Variants in VPS9D1 observed in about 807,000 individuals in gnomAD.
The protein encoded by VPS9D1 is VPS9 domain containing 1.
A neutral mutation model predicts 75.8 loss-of-function variants in VPS9D1; 78 were observed. That is an observed-to-expected ratio of 1.03 (90% CI 0.86 to 1.24). VPS9D1 has a LOEUF of 1.24. Among genes scored for constraint, VPS9D1 ranks in the 50% most tolerant of loss-of-function variants. The pLI is 0.00. For missense variants in VPS9D1, 1,057 were observed against 847.7 expected (o/e 1.25, Z -3.07); for synonymous variants, 481 against 385.6 (o/e 1.25, Z -2.90).
chr16:89,716,342 G>A, intron 4 of VPS9D1, 120 bp downstream of exon 4: 1 of 1,437,472 alleles, frequency 7.0e-7, no homozygotes, highest in Non-Finnish European at 9.5e-7. Flanking sequence ...CTCCAGCCTG[G>A]GTGACAGAGT....
chr16:89,708,760 G>A (rs2060846813), intron 13 of VPS9D1, 97 bp downstream of exon 13: 1 of 1,314,146 alleles, frequency 7.6e-7, no homozygotes, highest in Non-Finnish European at 1.0e-6. Context: ...GCAGCCAGCT[G>A]GCACAAGGCT....
chr16:89,716,600 A>G lies in VPS9D1; in HGVS notation c.293T>C (p.Met98Thr), dbSNP rs1249564721. 6.2e-7 allele frequency: 1 copy of G among 1,613,708 alleles called. No homozygotes were observed. The highest frequency in any genetic ancestry group is 1.1e-5 in the South Asian group (1 of 91,072). Residue 98 changes from methionine (M) to threonine (T), a missense_variant, in exon 4 of 15, where the codon ATG becomes ACG. Transcript: ENST00000389386. Reference protein sequence around the residue: ...KLGKTRLKPTMPAAAPIPQPA... With the variant: ...KLGKTRLKPTTPAAAPIPQPA... ...CTGGGGAATGGGAGCAGCTGCAGGCATGGTTGGCTTCAGGCGTGTTTTCCC... is the reference window on the plus strand; with the variant it reads ...CTGGGGAATGGGAGCAGCTGCAGGCGTGGTTGGCTTCAGGCGTGTTTTCCC...
chr16:89,716,895 A>G, intron 2 of VPS9D1, 73 bp from the exon 3 acceptor site: 1 of 1,407,578 alleles, frequency 7.1e-7, no homozygotes, highest in Non-Finnish European at 9.5e-7. Flanking sequence ...AAAATGAGGC[A>G]ACGGAAAAGG....
chr16:89,708,841 C>A lies in VPS9D1; in HGVS notation c.1697+16G>T. On this transcript the variant is annotated intron_variant, in intron 13 of 14. Transcript: ENST00000389386. ...GCCCTTCCTCCCTGGCCACACCTCG[C>A]CCTCCTGGGACTCACATGGCAGCTG... 6.4e-7 allele frequency: 1 copy of A among 1,570,580 alleles called. No individual in the cohort carries two copies. The highest frequency in any genetic ancestry group is 8.6e-7 in the Non-Finnish European group (1 of 1,166,218).
At chr16:89,708,566 C>T (rs1353476446) in intron 13 of VPS9D1, 35 bp from the exon 14 acceptor site, 2 of 1,592,312 alleles carry the variant, frequency 1.3e-6, no homozygotes, top group Non-Finnish European at 1.7e-6. Context: ...GGGTTGGGGC[C>T]AGGAGCCTCT....
At chr16:89,711,199 G>T in intron 9 of VPS9D1, 128 bp downstream of exon 9, 2 of 1,205,952 alleles carry the variant, frequency 1.7e-6, no homozygotes, top group South Asian at 1.4e-5. Context: ...CGCAAAGGGA[G>T]CTGCAGTGTC....
chr16:89,711,772 G>T, intron 8 of VPS9D1, 110 bp downstream of exon 8: 1 of 1,274,122 alleles, frequency 7.8e-7, no homozygotes, highest in Non-Finnish European at 1.1e-6. Context: ...CCCCCTCACT[G>T]CCCCCCACAG....
Position 89,709,441 on chromosome 16 carries a change from G to C in VPS9D1, c.1389-6C>G. On this transcript the variant is annotated splice_polypyrimidine_tract_variant and splice_region_variant and intron_variant, in intron 11 of 14. Coordinates refer to ENST00000389386, the MANE Select transcript of VPS9D1 (RefSeq NM_004913.3). ...CCCGGGCTCGGTGCACGCTCCTGGG[G>C]CAGAGAGAGGCCAGGCTAAGCTGCC... The C allele has an allele frequency of 1.3e-6, 2 of 1,505,148 alleles. No homozygotes were observed. The highest frequency in any genetic ancestry group is 1.8e-6 in the Non-Finnish European group (2 of 1,136,044). 93.2% of individuals were successfully genotyped at this position (1,505,148 alleles called of 1,614,324 possible).
At position 89,707,827 on chromosome 16, in the gene VPS9D1, C is replaced by A; in HGVS notation, c.*34G>T. The A allele has an allele frequency of 3.7e-6, 6 of 1,602,832 alleles. No homozygotes were observed. The highest frequency in any genetic ancestry group is 5.1e-6 in the Non-Finnish European group (6 of 1,171,218). On this transcript the variant is annotated 3_prime_UTR_variant, in exon 15 of 15. Transcript: ENST00000389386. ...GGAGAGACAGCCCTGGGAGGCGAGGCCAGGCCCTGCAGGGACCCTGGGCTC... is the reference window on the plus strand; with the variant it reads ...GGAGAGACAGCCCTGGGAGGCGAGGACAGGCCCTGCAGGGACCCTGGGCTC...
chr16:89,710,876 C>A lies in VPS9D1; in HGVS notation c.968G>T (p.Arg323Leu). 1 of 1,486,592 alleles carries A rather than the reference C, an allele frequency of 6.7e-7. No homozygotes were observed. The allele number at this position is 1,486,592 out of a possible 1,614,324, so 92.1% of individuals were successfully genotyped here. Residue 323 changes from arginine (R) to leucine (L), a missense_variant, in exon 10 of 15, where the codon CGA (arginine) becomes CTA (leucine). Physicochemically the swap from Arg to Leu is moderately radical, Grantham distance 102. Transcript: ENST00000389386. Reference sequence around the variant, plus strand: ...GAGGCTCTGCGAGGGCCGCAGCCGTCGGCTTCCGGGGTTGGGGGTCGGGGG... The same window carrying A: ...GAGGCTCTGCGAGGGCCGCAGCCGTAGGCTTCCGGGGTTGGGGGTCGGGGG... ...CCPPTPNPGS[R>L]RLRPSQSLHC...
chr16:89,717,509 A>C (rs1406172461), intron 2 of VPS9D1: 6 of 454,000 alleles, frequency 1.3e-5, no homozygotes, highest in Admixed American at 2.4e-5. Context: ...GCGCCGTGGG[A>C]GCTGCCTCTC....
At chr16:89,711,580 A>G in intron 8 of VPS9D1, 168 bp from the exon 9 acceptor site, 1 of 359,310 alleles carries the variant, frequency 2.8e-6, no homozygotes, top group East Asian at 6.8e-5. Context: ...CCCACACCCG[A>G]GGGAAACCTT....
rs576324673 is a variant in VPS9D1 at position 89,711,923 on chromosome 16, G to A, written c.706C>T (p.Arg236Trp). ...VALTPEEREQ[R>W]ALYAAILEYE... ...TCCAGGATGGCGGCGTAAAGGGCCCGCTGCTCCCGTTCCTCCGGGGTCAGG... is the reference window on the plus strand; with the variant it reads ...TCCAGGATGGCGGCGTAAAGGGCCCACTGCTCCCGTTCCTCCGGGGTCAGG... Residue 236 changes from arginine (R) to tryptophan (W), a missense_variant, in exon 8 of 15, where the codon CGG becomes TGG. Physicochemically the swap from Arg to Trp is moderately radical, Grantham distance 101. Transcript: ENST00000389386. The A allele has an allele frequency of 1.9e-4, 301 of 1,551,590 alleles. 3 individuals carry two copies. The South Asian group carries it at 3.3e-3, about 17-fold the overall frequency.
In VPS9D1 at chr16:89,709,766, T is replaced by G; in HGVS notation, c.1388+11A>C. The G allele has an allele frequency of 5.0e-6, 8 of 1,613,452 alleles. No homozygotes were observed. The highest frequency in any genetic ancestry group is 6.8e-6 in the Non-Finnish European group (8 of 1,179,890). On this transcript the variant is annotated intron_variant, in intron 11 of 14. Coordinates refer to ENST00000389386, the MANE Select transcript of VPS9D1 (RefSeq NM_004913.3). ...TAGGCCACGCAGGTGGTTGTACAGCTGGGTCCATACCTGTACAGGGCCAGC... is the reference window on the plus strand; with the variant it reads ...TAGGCCACGCAGGTGGTTGTACAGCGGGGTCCATACCTGTACAGGGCCAGC...
At chr16:89,720,090 G>A (rs1428513002) in intron 1 of VPS9D1, among the ~76,000 whole-genome samples, 3 of 152,222 alleles carry the variant, frequency 2.0e-5, no homozygotes, top group African/African-American at 7.2e-5. Context: ...CAGAGAGAAA[G>A]ACGAAATATA....
chr16:89,713,531 G>T (rs944926358), intron 4 of VPS9D1, among the ~76,000 whole-genome samples: 2 of 151,930 alleles, frequency 1.3e-5, no homozygotes, highest in African/African-American at 4.8e-5. Context: ...TGGGATTACA[G>T]GCGTGAGCTA....
At position 89,709,242 on chromosome 16, in the gene VPS9D1, T is replaced by G. The variant is rs1597902238; in HGVS notation, c.1582A>C (p.Lys528Gln). 1.9e-6 allele frequency: 3 copies of G among 1,611,814 alleles called. No individual in the cohort carries two copies. Among genetic ancestry groups the G allele is most frequent in the East Asian group, 2.2e-5 (1 of 44,890 alleles). ...ACCTGCTGACCTATGCACTCCAGCTTCTTCTGGGGGCAGCTCTCCAGGACC... is the reference window on the plus strand; with the variant it reads ...ACCTGCTGACCTATGCACTCCAGCTGCTTCTGGGGGCAGCTCTCCAGGACC... ...LLVLESCPQK[K>Q]LECIVRTLRI... Residue 528 changes from lysine to glutamine, a missense_variant, in exon 12 of 15, where the codon AAG (lysine) becomes CAG (glutamine). Lys to Gln is a moderately conservative substitution (Grantham distance 53, BLOSUM62 1). Transcript: ENST00000389386.
intron 11 of VPS9D1, 112 bp downstream of exon 11, chr16:89,709,665 G>A (rs983444577): frequency 5.7e-5 from 87 of 1,536,016 alleles, no homozygotes; most frequent in Admixed American, 3.6e-5. Flanking sequence ...GAGCAAACAC[G>A]AGTCTTGGGG....
chr16:89,710,479 A>G (rs991402586), intron 10 of VPS9D1, 107 bp downstream of exon 10: 5 of 1,271,264 alleles, frequency 3.9e-6, no homozygotes, highest in Non-Finnish European at 5.3e-6. Flanking sequence ...TGTAAGTCTG[A>G]TCAGAGTCTC....
Sources: allele counts gnomAD v4.1 joint callset (sites outside exome capture counted in the v4.1 genomes callset), GRCh38; gene constraint gnomAD v4.1.1; transcripts MANE v1.5; gene names NCBI Gene and HGNC (gene_info 2026-07-23, HGNC 2026-07-21).